The following AUH variants were observed in gnomAD, a reference collection of about 807,000 sequenced individuals.
AUH encodes AU RNA binding methylglutaconyl-CoA hydratase, also known as methylglutaconyl-CoA hydratase, mitochondrial.
In AUH, 29 loss-of-function variants were observed where a neutral mutation model predicts 42.3. The ratio of observed to expected loss-of-function variants is 0.69; its 90% CI spans 0.51 to 0.93. AUH has a LOEUF of 0.93. Ranked by LOEUF, AUH falls within the 40% of genes least tolerant of loss-of-function variation. AUH has a pLI of 0.00. For missense variants in AUH, 452 were observed against 438.1 expected (o/e 1.03, Z -0.28); for synonymous variants, 174 against 166.4 (o/e 1.05, Z -0.35).
At position 91,269,193 on chromosome 9, in the gene AUH, C is replaced by T. The variant is rs188433653; in HGVS notation, c.655+26828G>A. On this transcript the variant is annotated intron_variant, in intron 6 of 9. Coordinates refer to ENST00000375731, the MANE Select transcript of AUH (RefSeq NM_001698.3). ...ATGGGGTTTCACCATATTGGCCAGG[C>T]TGGTCTCGAACTCCTGACCTCGTGA... 6.4e-4 allele frequency among the ~76,000 whole-genome samples: 98 copies of T among 152,232 alleles called. No individual in the cohort carries two copies. The East Asian group carries it at 0.016, about 26-fold the overall frequency.
At chr9:91,237,775 A>C (rs1304957859) in intron 6 of AUH, among the ~76,000 whole-genome samples, 4 of 152,328 alleles carry the variant, frequency 2.6e-5, no homozygotes, top group South Asian at 4.1e-4. Context: ...GTATCACAAA[A>C]TGTTCCAAGC....
At chr9:91,311,012 T>C (rs1828662398) in intron 4 of AUH, among the ~76,000 whole-genome samples, 1 of 152,202 alleles carries the variant, frequency 6.6e-6, no homozygotes, top group Non-Finnish European at 1.5e-5. Flanking sequence ...CTGAAAGACA[T>C]GCTAACAAAA....
intron 6 of AUH, among the ~76,000 whole-genome samples, chr9:91,229,924 C>T (rs186695363): frequency 6.4e-4 from 97 of 152,274 alleles, no homozygotes; most frequent in African/African-American, 2.2e-3. Context: ...CCAAGAGATT[C>T]GCTGTTAAGT....
chr9:91,245,237 C>T (rs766429534), intron 6 of AUH, among the ~76,000 whole-genome samples: 4 of 152,096 alleles, frequency 2.6e-5, no homozygotes, highest in African/African-American at 7.2e-5. Context: ...CCAGGAGCCC[C>T]GTGGGGAAGC....
chr9:91,302,085 A>G (rs921245227), intron 4 of AUH, among the ~76,000 whole-genome samples: 3 of 152,166 alleles, frequency 2.0e-5, no homozygotes, highest in Admixed American at 6.5e-5. Context: ...TTTATCCAGG[A>G]AAGTATGCAT....
At chr9:91,244,486 A>G (rs1254655045) in intron 6 of AUH, among the ~76,000 whole-genome samples, 1 of 152,226 alleles carries the variant, frequency 6.6e-6, no homozygotes, top group Admixed American at 6.5e-5. Context: ...CAAATTTTTT[A>G]GTTTTCATAT....
At chr9:91,259,258 G>A (rs1180260572) in intron 6 of AUH, among the ~76,000 whole-genome samples, 1 of 152,144 alleles carries the variant, frequency 6.6e-6, no homozygotes, top group Non-Finnish European at 1.5e-5. Flanking sequence ...TGTCTTGCAA[G>A]TTGGTGAATT....
Position 91,274,586 on chromosome 9 carries a change from AAAGTC to A in AUH, c.655+21430_655+21434del, listed in dbSNP as rs375346193. Among the ~76,000 whole-genome samples, 69 of 152,364 alleles carry A rather than the reference AAAGTC, an allele frequency of 4.5e-4. 1 individual carries two copies. The East Asian group carries it at 7.7e-3, about 17-fold the overall frequency. On this transcript the variant is annotated intron_variant, in intron 6 of 9. Transcript: ENST00000375731. ...TAATTAGCAAAAAATGTATAACTGC[AAAGTC>A]AAGTGTATAAAAATTGAGAAAGTAA...
chr9:91,305,952 G>A (rs1828186807), intron 4 of AUH, among the ~76,000 whole-genome samples: 1 of 152,096 alleles, frequency 6.6e-6, no homozygotes, highest in Admixed American at 6.6e-5. Flanking sequence ...CGAGAAAAGG[G>A]AAATGCTGAA....
intron 6 of AUH, among the ~76,000 whole-genome samples, chr9:91,292,498 C>CA (rs1826991204): frequency 1.3e-5 from 2 of 151,818 alleles, no homozygotes; most frequent in Non-Finnish European, 2.9e-5. Flanking sequence ...AGGCTGGTCT[C>CA]AAACTCCTGA....
At chr9:91,360,006 GGCTAAA>G (rs1832726433) in intron 1 of AUH, among the ~76,000 whole-genome samples, 1 of 149,940 alleles carries the variant, frequency 6.7e-6, no homozygotes, top group Non-Finnish European at 1.5e-5. Context: ...AGGAAATCAA[GGCTAAA>G]GAAAAAAAAA....
chr9:91,235,813 G>A (rs1248836927), intron 6 of AUH, among the ~76,000 whole-genome samples: 1 of 152,168 alleles, frequency 6.6e-6, no homozygotes, highest in Non-Finnish European at 1.5e-5. Context: ...GGAATACACA[G>A]GTCTTCTTCC....
intron 7 of AUH, 47 bp downstream of exon 7, chr9:91,220,755 TATA>T (rs1368462851): frequency 6.2e-7 from 1 of 1,601,104 alleles, no homozygotes; most frequent in Non-Finnish European, 8.5e-7. Flanking sequence ...GTCAAAGTGT[TATA>T]ATGTTTCCTA....
intron 4 of AUH, among the ~76,000 whole-genome samples, chr9:91,305,878 C>A (rs1449938474): frequency 2.0e-5 from 3 of 152,126 alleles, no homozygotes. Flanking sequence ...GTTCTCACAC[C>A]CCAGATCCCC....
intron 4 of AUH, among the ~76,000 whole-genome samples, chr9:91,317,970 A>T (rs78328641): frequency 0.025 from 3,831 of 152,270 alleles, 76 homozygotes; most frequent in East Asian, 0.066. Context: ...GGAAAGCCCA[A>T]TTTGGTCTTT....
intron 8 of AUH, among the ~76,000 whole-genome samples, chr9:91,216,995 A>T (rs527751025): frequency 4.6e-5 from 7 of 152,340 alleles, no homozygotes; most frequent in African/African-American, 1.4e-4. Flanking sequence ...CTAGCCAATA[A>T]ATCTGTCTGT....
chr9:91,235,925 C>G (rs1301491457), intron 6 of AUH, among the ~76,000 whole-genome samples: 1 of 152,226 alleles, frequency 6.6e-6, no homozygotes, highest in Non-Finnish European at 1.5e-5. Context: ...GAAGATGGCA[C>G]AGCAGAAAGA....
chr9:91,340,598 T>A (rs1587896219), intron 3 of AUH, among the ~76,000 whole-genome samples: 1 of 152,338 alleles, frequency 6.6e-6, no homozygotes, highest in South Asian at 2.1e-4. Context: ...TTCACCCAAA[T>A]GACACTATCA....
chr9:91,309,204 G>A (rs1828504809), intron 4 of AUH, among the ~76,000 whole-genome samples: 1 of 151,888 alleles, frequency 6.6e-6, no homozygotes, highest in African/African-American at 2.4e-5. Context: ...CTGAGGTCAG[G>A]AGCACCAACC....
Sources: gnomAD v4.1 joint callset for allele counts (sites outside exome capture counted in the v4.1 genomes callset) on GRCh38, gnomAD v4.1.1 for gene constraint, MANE v1.5 for transcripts, NCBI Gene and HGNC (gene_info 2026-07-23, HGNC 2026-07-21) for gene names.